The following RAB10 variants were observed in gnomAD, a reference collection of about 807,000 sequenced individuals.
RAB10 encodes the protein ras-related protein Rab-10.
In RAB10, 5 loss-of-function variants were observed where a neutral mutation model predicts 25.7. That is an observed-to-expected ratio of 0.19 (90% CI 0.10 to 0.41). RAB10 has a LOEUF of 0.41. RAB10 is among the 10% of genes least tolerant of loss of function. RAB10 has a pLI of 1.00. For missense variants in RAB10, 103 were observed against 245.8 expected, an observed-to-expected ratio of 0.42 and a Z score of 3.89; for synonymous variants, 89 against 86.4, an observed-to-expected ratio of 1.03 and a Z score of -0.16.
chr2:26,096,426 C>A (rs139715856), intron 1 of RAB10, among the ~76,000 whole-genome samples: 1,244 of 79,932 alleles, frequency 0.016, 24 homozygotes, highest in African/African-American at 0.052. Context: ...GGATGGCTGG[C>A]TGGCTGGATG....
At chr2:26,079,239 C>T (rs1666807620) in intron 1 of RAB10, among the ~76,000 whole-genome samples, 1 of 151,858 alleles carries the variant, frequency 6.6e-6, no homozygotes, top group East Asian at 1.9e-4. Context: ...AAAAGAACCA[C>T]ATACATGTAT....
At chr2:26,103,008 G>T (rs1390807889) in intron 2 of RAB10, among the ~76,000 whole-genome samples, 1 of 152,144 alleles carries the variant, frequency 6.6e-6, no homozygotes, top group African/African-American at 2.4e-5. Flanking sequence ...CATTATTGCA[G>T]CCTTGCATAT....
rs1341158314 is a variant in RAB10, at chr2:26,127,846, T to C, written c.418-4T>C. 7 of 1,583,988 alleles carry C rather than the reference T, an allele frequency of 4.4e-6. No homozygotes were observed. The highest frequency in any genetic ancestry group is 5.2e-6 in the Non-Finnish European group (6 of 1,152,738). On this transcript the variant is annotated splice_region_variant and splice_polypyrimidine_tract_variant and intron_variant, in intron 4 of 5. Transcript: ENST00000264710. ...TTTATGATGATATTTTGTTTCTGTT[T>C]TAGATTGCAAGGGAGCATGGTATTA...
chr2:26,094,908 G>A (rs1306865759), intron 1 of RAB10, among the ~76,000 whole-genome samples: 2 of 152,170 alleles, frequency 1.3e-5, no homozygotes, highest in East Asian at 3.9e-4. Context: ...TTGAAAATTT[G>A]GGGGTTCGGT....
intron 1 of RAB10, among the ~76,000 whole-genome samples, chr2:26,053,218 A>G (rs369405355): frequency 6.6e-6 from 1 of 152,088 alleles, no homozygotes; most frequent in Non-Finnish European, 1.5e-5. Flanking sequence ...ATATTTTGCT[A>G]TTGTTTTTGT....
chr2:26,076,611 A>C (rs1396037173), intron 1 of RAB10, among the ~76,000 whole-genome samples: 3 of 152,176 alleles, frequency 2.0e-5, no homozygotes. Context: ...CTACTTACTC[A>C]GTTCTTTTAC....
At chr2:26,082,630 C>G (rs1001692154) in intron 1 of RAB10, among the ~76,000 whole-genome samples, 10 of 152,096 alleles carry the variant, frequency 6.6e-5, no homozygotes, top group African/African-American at 2.4e-4. Context: ...TAAAACCTTT[C>G]TGAAAGAAAC....
At chr2:26,046,553 A>G (rs1179128018) in intron 1 of RAB10, among the ~76,000 whole-genome samples, 1 of 152,248 alleles carries the variant, frequency 6.6e-6, no homozygotes, top group Middle Eastern at 3.4e-3. Flanking sequence ...GGAATGCTAC[A>G]TTTCTTTTTT....
chr2:26,047,663 TTGC>T, intron 1 of RAB10, among the ~76,000 whole-genome samples: 1 of 151,240 alleles, frequency 6.6e-6, no homozygotes, highest in Non-Finnish European at 1.5e-5. Context: ...GTGATCTGCC[TTGC>T]CTGCCTCGGC....
chr2:26,106,583 G>A (rs934997138), intron 2 of RAB10, among the ~76,000 whole-genome samples: 8 of 152,106 alleles, frequency 5.3e-5, no homozygotes, highest in South Asian at 2.1e-4. Context: ...ATGTACCATC[G>A]GTTTAATAAA....
chr2:26,067,552 C>T (rs1273066675), intron 1 of RAB10, among the ~76,000 whole-genome samples: 2 of 152,178 alleles, frequency 1.3e-5, no homozygotes, highest in Non-Finnish European at 2.9e-5. Flanking sequence ...TATTCTCCTT[C>T]CAGCAACTGT....
intron 1 of RAB10, among the ~76,000 whole-genome samples, chr2:26,064,456 G>A (rs539578125): frequency 2.3e-4 from 35 of 152,006 alleles, no homozygotes; most frequent in African/African-American, 8.4e-4. Flanking sequence ...TGAGTAGCTG[G>A]GACTACAGGG....
intron 1 of RAB10, among the ~76,000 whole-genome samples, chr2:26,037,705 TAGTG>T (rs933398817): frequency 5.3e-4 from 80 of 152,150 alleles, no homozygotes; most frequent in African/African-American, 1.9e-3. Flanking sequence ...TTTTAGGGGT[TAGTG>T]AGAGTAAAGC....
chr2:26,103,242 T>C (rs1667382041), intron 2 of RAB10, among the ~76,000 whole-genome samples: 1 of 152,148 alleles, frequency 6.6e-6, no homozygotes, highest in Non-Finnish European at 1.5e-5. Context: ...AATATTCGGA[T>C]TGATGGATAA....
intron 1 of RAB10, among the ~76,000 whole-genome samples, chr2:26,045,727 A>T (rs951159194): frequency 4.6e-5 from 7 of 152,162 alleles, no homozygotes; most frequent in Admixed American, 2.0e-4. Flanking sequence ...ATAAAGGAGG[A>T]GTTTCATTTT....
chr2:26,116,017 G>A (rs1667681759), intron 3 of RAB10, among the ~76,000 whole-genome samples: 3 of 151,594 alleles, frequency 2.0e-5, no homozygotes, highest in African/African-American at 2.4e-5. Context: ...ATGCTGCCAC[G>A]CCCGGCTAAT....
At chr2:26,086,263 G>A (rs1434467161) in intron 1 of RAB10, among the ~76,000 whole-genome samples, 1 of 152,128 alleles carries the variant, frequency 6.6e-6, no homozygotes, top group Non-Finnish European at 1.5e-5. Flanking sequence ...TCCAGCCTGG[G>A]CAACAAGAGC....
rs1444700203 is a variant in RAB10 at position 26,137,072 on chromosome 2, G to C, written c.*2051G>C. 1 of 152,522 alleles carries C rather than the reference G, an allele frequency of 6.6e-6. No individual in the cohort carries two copies. The highest frequency in any genetic ancestry group is 2.4e-5 in the African/African-American group (1 of 41,394). The allele number at this position is 152,522 out of a possible 1,614,324, so 9.4% of individuals were successfully genotyped here. A position where few individuals can be genotyped will look rare whatever the true frequency, so the allele number is the denominator to read the frequency against. On this transcript the variant is annotated 3_prime_UTR_variant, in exon 6 of 6. Coordinates refer to ENST00000264710, the MANE Select transcript of RAB10 (RefSeq NM_016131.5). The stretch of plus-strand genomic sequence containing the variant: ...TATTCAATTCCATGACTTAAGGTTG[G>C]AGAGCTAAACACTGGGATTTTTGGA...
intron 1 of RAB10, among the ~76,000 whole-genome samples, chr2:26,094,819 A>G (rs999665614): frequency 6.6e-6 from 1 of 152,202 alleles, no homozygotes; most frequent in Non-Finnish European, 1.5e-5. Flanking sequence ...TCAGCCACCC[A>G]AGGTGCTGGG....
Sources: allele counts gnomAD v4.1 joint callset (sites outside exome capture counted in the v4.1 genomes callset), GRCh38; gene constraint gnomAD v4.1.1; transcripts MANE v1.5; gene names NCBI Gene and HGNC (gene_info 2026-07-23, HGNC 2026-07-21).